The following GPR89B variants were observed in gnomAD, a reference collection of about 807,000 sequenced individuals.
The protein encoded by GPR89B is golgi pH regulator B.
GPR89B carries 25 observed loss-of-function variants against 52.4 expected under a neutral mutation model. The ratio of observed to expected loss-of-function variants is 0.48; its 90% confidence interval spans 0.35 to 0.67. The LOEUF is 0.67. GPR89B is among the 30% of genes least tolerant of loss of function. The pLI is 0.01. For missense variants in GPR89B, 146 were observed against 450.2 expected (o/e 0.32, Z 6.11); for synonymous variants, 52 against 151.2 (o/e 0.34, Z 4.81).
chr1:148,014,834 C>G, the GPR89B span: 1 of 151,922 alleles, frequency 6.6e-6, no homozygotes, highest in Admixed American at 6.5e-5. Context: ...TCCCGCTCCC[C>G]CCTGAGCTTA....
intron 7 of GPR89B, among the ~76,000 whole-genome samples, chr1:147,965,148 A>G (rs1316683981): frequency 6.6e-6 from 1 of 150,798 alleles, no homozygotes; most frequent in Non-Finnish European, 1.5e-5. Flanking sequence ...AAAGAGCTAA[A>G]AGAGCTGTGT....
At chr1:147,983,998 TA>T (rs1241976359) in intron 10 of GPR89B, among the ~76,000 whole-genome samples, 6 of 151,144 alleles carry the variant, frequency 4.0e-5, no homozygotes, top group African/African-American at 1.5e-4. Flanking sequence ...TATGCAGCCA[TA>T]AAAAATGATG....
At chr1:147,997,007 G>A (rs1451967245), downstream of GPR89B, among the ~76,000 whole-genome samples, 1 of 151,820 alleles carries the variant, frequency 6.6e-6, no homozygotes, top group African/African-American at 2.4e-5. Context: ...TGCGGTACAA[G>A]GATCCCAAAA....
In GPR89B at chr1:147,988,107, C is replaced by T. The variant is rs1300164919; in HGVS notation, c.1006-325C>T. On this transcript the variant is annotated intron_variant, in intron 11 of 13. Transcript: ENST00000314163. ...GTGACTCATGCCTGTAGTACCAACA[C>T]TTTGGGAGGCTGATGTGGGAGTATT... Among the ~76,000 whole-genome samples, 1,401 of 151,852 alleles carry T rather than the reference C, an allele frequency of 9.2e-3. 21 individuals are homozygous for T. The highest frequency in any genetic ancestry group is 0.032 in the African/African-American group (1,337 of 41,242).
chr1:148,008,922 TA>T, the GPR89B span, among the ~76,000 whole-genome samples: 167 of 149,300 alleles, frequency 1.1e-3, no homozygotes, highest in Admixed American at 2.6e-3. Context: ...GGCACTCAGA[TA>T]AAAAAAAAAG....
the GPR89B span, among the ~76,000 whole-genome samples, chr1:148,020,454 G>A: frequency 1.3e-5 from 2 of 151,288 alleles, no homozygotes; most frequent in Non-Finnish European, 2.9e-5. Flanking sequence ...TTCCAAGGCT[G>A]CACAGCTCGG....
chr1:147,961,454 T>TG (rs1656556701), intron 7 of GPR89B, among the ~76,000 whole-genome samples: 1 of 151,426 alleles, frequency 6.6e-6, no homozygotes, highest in East Asian at 1.9e-4. Context: ...AGGGCAACAA[T>TG]GGGAAAAAAA....
chr1:147,975,536 CTGTT>C (rs1657772692), intron 10 of GPR89B, among the ~76,000 whole-genome samples: 2 of 151,484 alleles, frequency 1.3e-5, no homozygotes, highest in Non-Finnish European at 2.9e-5. Context: ...TTTTTTGTGT[CTGTT>C]TGATTCTTCT....
chr1:147,938,833 G>A lies in GPR89B; in HGVS notation c.206+16G>A, dbSNP rs1654312592. ...TGAATAGCAGGTGAGTAAGAGTACT[G>A]AAAACTCCTCTTGAAGAGTTCTGTG... On this transcript the variant is annotated intron_variant, in intron 3 of 13. Transcript: ENST00000314163. 1 of 1,469,002 alleles carries A rather than the reference G, an allele frequency of 6.8e-7. No individual in the cohort carries two copies. Among genetic ancestry groups the A allele is most frequent in the Non-Finnish European group, 9.2e-7 (1 of 1,081,698 alleles). 91.0% of individuals were successfully genotyped at this position (1,469,002 alleles called of 1,614,324 possible). A position where few individuals can be genotyped will look rare whatever the true frequency, so the allele number is the denominator to read the frequency against.
At chr1:147,983,067 G>A (rs1386417811) in intron 10 of GPR89B, among the ~76,000 whole-genome samples, 1 of 152,156 alleles carries the variant, frequency 6.6e-6, no homozygotes, top group African/African-American at 2.4e-5. Flanking sequence ...AGAAAAACAA[G>A]CAATGGGGAA....
chr1:148,009,319 C>T, the GPR89B span: 1 of 1,607,010 alleles, frequency 6.2e-7, no homozygotes, highest in Non-Finnish European at 8.5e-7. Flanking sequence ...CCCTGCCTCC[C>T]CCTGCTCCCC....
At chr1:148,003,539 C>T in the GPR89B span, among the ~76,000 whole-genome samples, 6 of 152,164 alleles carry the variant, frequency 3.9e-5, no homozygotes, top group African/African-American at 1.2e-4. Context: ...CCCCTACCCC[C>T]GCCCCAGAGA....
chr1:147,989,798 A>C (rs1393813257), intron 12 of GPR89B, among the ~76,000 whole-genome samples: 1 of 152,142 alleles, frequency 6.6e-6, no homozygotes, highest in Non-Finnish European at 1.5e-5. Context: ...TCCATGGTGT[A>C]TATGTGCCAC....
the GPR89B span, among the ~76,000 whole-genome samples, chr1:148,006,283 C>T: frequency 3.3e-5 from 5 of 151,268 alleles, no homozygotes; most frequent in Non-Finnish European, 7.4e-5. Flanking sequence ...AATCAGAAAG[C>T]ATCTTTACCA....
chr1:148,021,038 T>C, the GPR89B span, among the ~76,000 whole-genome samples: 1 of 151,742 alleles, frequency 6.6e-6, no homozygotes, highest in Non-Finnish European at 1.5e-5. Context: ...AAGCAGCCAG[T>C]GGGTCTGCTT....
chr1:148,018,418 CAAA>C, the GPR89B span, among the ~76,000 whole-genome samples: 2 of 59,006 alleles, frequency 3.4e-5, no homozygotes, highest in African/African-American at 6.9e-5. Flanking sequence ...GACTCCGTCT[CAAA>C]AAAAAAAAAA....
chr1:147,949,024 C>T (rs1655261379), intron 5 of GPR89B, among the ~76,000 whole-genome samples: 1 of 152,004 alleles, frequency 6.6e-6, no homozygotes, highest in South Asian at 2.1e-4. Context: ...CACCATTAAT[C>T]CATTTAACCC....
At chr1:147,940,270 G>A (rs1161238105) in intron 3 of GPR89B, among the ~76,000 whole-genome samples, 1 of 151,702 alleles carries the variant, frequency 6.6e-6, no homozygotes, top group Non-Finnish European at 1.5e-5. Context: ...GGGCATGGTG[G>A]TGGGCGCCTG....
the GPR89B span, among the ~76,000 whole-genome samples, chr1:148,020,975 C>A: frequency 5.3e-5 from 8 of 151,578 alleles, no homozygotes; most frequent in Admixed American, 2.0e-4. Context: ...GGCGTGAGCC[C>A]GGGCCCCGGA....
Sources: gnomAD v4.1 joint callset for allele counts (sites outside exome capture counted in the v4.1 genomes callset) on GRCh38, gnomAD v4.1.1 for gene constraint, MANE v1.5 for transcripts, NCBI Gene and HGNC (gene_info 2026-07-23, HGNC 2026-07-21) for gene names.